LRMDA: variants seen among roughly 807,000 people sequenced by gnomAD.
LRMDA encodes the protein leucine-rich melanocyte differentiation-associated protein.
LRMDA carries 18 observed loss-of-function variants against 29.8 expected under a neutral mutation model. The observed-to-expected ratio is 0.60, with a 90% CI of 0.42 to 0.90. LRMDA has a LOEUF of 0.90. Among genes scored for constraint, LRMDA ranks in the 40% least tolerant of loss-of-function variants. The probability of loss-of-function intolerance (pLI) is 0.00; values close to 1 mark genes in which losing one functional copy is unlikely to be tolerated. For missense variants in LRMDA, 273 were observed against 273.9 expected (o/e 1.00, Z 0.02); for synonymous variants, 125 against 109.4 (o/e 1.14, Z -0.89).
Position 76,508,056 on chromosome 10 carries a change from C to T in LRMDA, c.602-49153C>T, listed in dbSNP as rs901095626. ...AATTTAGAATTTTTAGATGCTTCTTCATGAGTAAATTTAGATGATGCATAT... is the reference window on the plus strand; with the variant it reads ...AATTTAGAATTTTTAGATGCTTCTTTATGAGTAAATTTAGATGATGCATAT... On this transcript the variant is annotated intron_variant, in intron 6 of 6. Coordinates refer to ENST00000611255, the MANE Select transcript of LRMDA (RefSeq NM_001305581.2). 2.0e-5 allele frequency among the ~76,000 whole-genome samples: 3 copies of T among 152,112 alleles called. No homozygotes were observed. In the East Asian group the frequency reaches 5.8e-4, roughly 29 times the overall value.
At chr10:75,996,899 A>AT (rs1393826730) in intron 2 of LRMDA, among the ~76,000 whole-genome samples, 5 of 151,806 alleles carry the variant, frequency 3.3e-5, no homozygotes, top group Non-Finnish European at 7.4e-5. Context: ...TGCCCGGCTA[A>AT]TTTTTTGTAC....
At chr10:75,570,647 G>A (rs1840426816) in intron 2 of LRMDA, among the ~76,000 whole-genome samples, 3 of 152,192 alleles carry the variant, frequency 2.0e-5, no homozygotes, top group Non-Finnish European at 4.4e-5. Context: ...AGAACTCCTA[G>A]ACGAGCTTCA....
intron 5 of LRMDA, among the ~76,000 whole-genome samples, chr10:76,068,862 G>A (rs753626933): frequency 2.0e-5 from 3 of 152,172 alleles, no homozygotes; most frequent in Admixed American, 6.5e-5. Context: ...GCAGTAGCAC[G>A]CAAGTAATGG....
At chr10:76,446,695 C>T (rs1370836766) in intron 6 of LRMDA, among the ~76,000 whole-genome samples, 1 of 152,146 alleles carries the variant, frequency 6.6e-6, no homozygotes, top group Non-Finnish European at 1.5e-5. Context: ...CTGCAGTCCA[C>T]TTGGTGACTC....
At chr10:76,472,830 T>C (rs2637271) in intron 6 of LRMDA, among the ~76,000 whole-genome samples, 103,926 of 151,144 alleles carry the variant, frequency 0.69, 37,301 homozygotes, top group Non-Finnish European at 0.81. Flanking sequence ...ATAGAACATT[T>C]GAATGGACCT....
chr10:75,518,543 G>A (rs1005073618), intron 2 of LRMDA, among the ~76,000 whole-genome samples: 2 of 152,166 alleles, frequency 1.3e-5, no homozygotes, highest in Non-Finnish European at 2.9e-5. Context: ...GATCAGTGAT[G>A]ATGTCCCTTT....
intron 6 of LRMDA, among the ~76,000 whole-genome samples, chr10:76,473,484 T>G (rs1160069571): frequency 2.0e-5 from 3 of 151,562 alleles, no homozygotes; most frequent in Non-Finnish European, 4.4e-5. Context: ...TCTCCACTTT[T>G]ATTTAACATT....
intron 4 of LRMDA, among the ~76,000 whole-genome samples, chr10:76,057,272 T>C (rs1848631343): frequency 6.6e-6 from 1 of 152,200 alleles, no homozygotes; most frequent in Non-Finnish European, 1.5e-5. Context: ...TCCATGTGAG[T>C]GTATAATTTC....
At chr10:76,400,362 G>A (rs1841835503) in intron 6 of LRMDA, among the ~76,000 whole-genome samples, 1 of 152,228 alleles carries the variant, frequency 6.6e-6, no homozygotes, top group African/African-American at 2.4e-5. Flanking sequence ...ACACAGCTAA[G>A]CTGTATCCAG....
At chr10:76,048,300 A>T (rs1188804741) in intron 4 of LRMDA, among the ~76,000 whole-genome samples, 1 of 152,218 alleles carries the variant, frequency 6.6e-6, no homozygotes, top group Non-Finnish European at 1.5e-5. Context: ...CTATGTGTGA[A>T]GCCAACCATG....
chr10:76,102,274 G>A (rs566340125), intron 5 of LRMDA, among the ~76,000 whole-genome samples: 7 of 152,120 alleles, frequency 4.6e-5, no homozygotes, highest in Admixed American at 1.3e-4. Flanking sequence ...TATTTTAGAT[G>A]TGCAGGTTTT....
At chr10:76,175,108 C>T (rs4433517) in intron 5 of LRMDA, among the ~76,000 whole-genome samples, 27,268 of 152,026 alleles carry the variant, frequency 0.18, 2,982 homozygotes, top group East Asian at 0.52. Flanking sequence ...GGTGACAGAG[C>T]GAGACTTCAT....
In LRMDA at chr10:75,578,040, A is replaced by G. The variant is rs188070410; in HGVS notation, c.131+139546A>G. On this transcript the variant is annotated intron_variant, in intron 2 of 6. Transcript: ENST00000611255. ...CAGGATCAGTTTCACACATAACAAT[A>G]TTAACCTTAAATGTAAATGGGCTAA... Among the ~76,000 whole-genome samples the G allele has an allele frequency of 5.8e-3, 881 of 152,128 alleles. 3 individuals are homozygous for G. The highest frequency in any genetic ancestry group is 0.01 in the Middle Eastern group (3 of 294).
chr10:75,914,249 T>C (rs946610756), intron 2 of LRMDA, among the ~76,000 whole-genome samples: 3 of 152,210 alleles, frequency 2.0e-5, no homozygotes, highest in African/African-American at 7.2e-5. Context: ...CCACTGTTAT[T>C]TGGTTGCTCC....
intron 2 of LRMDA, among the ~76,000 whole-genome samples, chr10:75,500,147 G>A (rs1285314891): frequency 6.6e-6 from 1 of 152,110 alleles, no homozygotes; most frequent in Non-Finnish European, 1.5e-5. Context: ...TAGGGGGCTG[G>A]AGACCATCCT....
chr10:75,764,929 G>A (rs1032561980), intron 2 of LRMDA, among the ~76,000 whole-genome samples: 6 of 38,140 alleles, frequency 1.6e-4, no homozygotes, highest in African/African-American at 8.4e-4. Flanking sequence ...CAAGAGACAC[G>A]TGTGTGTGTG....
chr10:76,375,356 T>C (rs1841504205), intron 6 of LRMDA, among the ~76,000 whole-genome samples: 1 of 152,166 alleles, frequency 6.6e-6, no homozygotes, highest in Non-Finnish European at 1.5e-5. Context: ...ACTGCCAGGT[T>C]AGGCCAATCT....
intron 6 of LRMDA, among the ~76,000 whole-genome samples, chr10:76,511,619 A>C: frequency 6.6e-6 from 1 of 151,642 alleles, no homozygotes; most frequent in East Asian, 1.9e-4. Flanking sequence ...TTAAGAGAAT[A>C]ATTTCATTCA....
chr10:76,160,315 T>C (rs753604175), intron 5 of LRMDA, among the ~76,000 whole-genome samples: 4 of 151,932 alleles, frequency 2.6e-5, no homozygotes, highest in Non-Finnish European at 4.4e-5. Context: ...TATTTTATAA[T>C]TGAAAGTAAA....
Sources: allele counts gnomAD v4.1 joint callset (sites outside exome capture counted in the v4.1 genomes callset), GRCh38; gene constraint gnomAD v4.1.1; transcripts MANE v1.5; gene names NCBI Gene and HGNC (gene_info 2026-07-23, HGNC 2026-07-21).